CSMD1: variants seen among roughly 807,000 people sequenced by gnomAD.
CSMD1 encodes CUB and sushi domain-containing protein 1.
A neutral mutation model predicts 417.5 loss-of-function variants in CSMD1; 213 were observed. That is an observed-to-expected ratio of 0.51 (90% CI 0.46 to 0.57). CSMD1 has a LOEUF of 0.57. Among genes scored for constraint, CSMD1 ranks in the 20% least tolerant of loss-of-function variants. CSMD1 has a pLI of 0.00. For synonymous variants in CSMD1, 2,862 were observed against 1,736.8 expected (o/e 1.65, Z -16.11); for missense variants, 6,923 against 4,529.7 (o/e 1.53, Z -15.17).
At chr8:2,960,370 C>T (rs1022973853) in intron 62 of CSMD1, among the ~76,000 whole-genome samples, 5 of 152,234 alleles carry the variant, frequency 3.3e-5, no homozygotes, top group East Asian at 1.9e-4. Context: ...TTCGTGCTCA[C>T]GAGAGATGGG....
At chr8:4,321,395 T>C (rs906947740) in intron 3 of CSMD1, among the ~76,000 whole-genome samples, 3 of 152,076 alleles carry the variant, frequency 2.0e-5, no homozygotes, top group African/African-American at 4.8e-5. Context: ...CAGAAGAGTT[T>C]TTTTCATCCC....
intron 10 of CSMD1, among the ~76,000 whole-genome samples, chr8:3,494,342 C>T (rs771674591): frequency 3.3e-5 from 5 of 152,136 alleles, no homozygotes; most frequent in Non-Finnish European, 7.3e-5. Context: ...AATCTATTAA[C>T]TTCTTTCTGT....
chr8:3,233,052 C>T (rs1563167160), intron 26 of CSMD1, among the ~76,000 whole-genome samples: 1 of 151,866 alleles, frequency 6.6e-6, no homozygotes. Context: ...AATTTTCATA[C>T]ATACTTATCA....
intron 7 of CSMD1, among the ~76,000 whole-genome samples, chr8:3,666,851 A>C (rs1798718963): frequency 6.6e-6 from 1 of 152,158 alleles, no homozygotes; most frequent in Non-Finnish European, 1.5e-5. Context: ...TTCTTTACAA[A>C]TTACTCAGTC....
intron 7 of CSMD1, among the ~76,000 whole-genome samples, chr8:3,675,337 T>C (rs149832201): frequency 6.6e-6 from 1 of 152,304 alleles, no homozygotes; most frequent in Non-Finnish European, 1.5e-5. Context: ...TAACATGTCA[T>C]TGCTATCCAT....
intron 1 of CSMD1, among the ~76,000 whole-genome samples, chr8:4,749,639 A>G (rs573650554): frequency 6.6e-6 from 1 of 152,340 alleles, no homozygotes; most frequent in African/African-American, 2.4e-5. Context: ...CAAAAGTTTC[A>G]CTTTAATAAT....
At chr8:3,340,118 C>T (rs888254984) in intron 23 of CSMD1, among the ~76,000 whole-genome samples, 4 of 152,086 alleles carry the variant, frequency 2.6e-5, no homozygotes, top group Non-Finnish European at 5.9e-5. Context: ...TGAGGATCAC[C>T]GAAAATCGTT....
chr8:3,297,148 G>A (rs1233064699), intron 25 of CSMD1, among the ~76,000 whole-genome samples: 3 of 152,114 alleles, frequency 2.0e-5, no homozygotes, highest in Non-Finnish European at 2.9e-5. Flanking sequence ...CCAGAAAACT[G>A]CAAAACATCA....
intron 1 of CSMD1, among the ~76,000 whole-genome samples, chr8:4,677,875 A>T (rs533611433): frequency 4.1e-4 from 63 of 152,196 alleles, no homozygotes; most frequent in Admixed American, 1.4e-3. Context: ...TGAAGTATTA[A>T]CACATCTGAA....
At chr8:4,332,045 T>C (rs1799895762) in intron 3 of CSMD1, among the ~76,000 whole-genome samples, 1 of 152,174 alleles carries the variant, frequency 6.6e-6, no homozygotes, top group Non-Finnish European at 1.5e-5. Flanking sequence ...TTGTGGTTTT[T>C]ATTTTTTATC....
At chr8:4,311,513 AG>A (rs1798568537) in intron 3 of CSMD1, among the ~76,000 whole-genome samples, 2 of 152,152 alleles carry the variant, frequency 1.3e-5, no homozygotes, top group South Asian at 4.1e-4. Context: ...ACCTGAGATC[AG>A]GAGTTCGAGA....
chr8:3,574,094 C>G (rs987657731), intron 10 of CSMD1, among the ~76,000 whole-genome samples: 9 of 152,106 alleles, frequency 5.9e-5, no homozygotes, highest in African/African-American at 2.2e-4. Flanking sequence ...CAGTATTACC[C>G]TCTATTACTA....
rs117037270 is a variant in CSMD1 at position 4,513,277 on chromosome 8, C to T, written c.303-93212G>A. ...AGGGGGTATATAAATTTTTTTTAAC[C>T]TTCCCCTTAATTTGGCTGTGCACCT... On this transcript the variant is annotated intron_variant, in intron 2 of 69. Transcript: ENST00000635120. 9.4e-3 allele frequency among the ~76,000 whole-genome samples: 1,437 copies of T among 152,068 alleles called. 16 individuals are homozygous for T. The highest frequency in any genetic ancestry group is 0.012 in the Non-Finnish European group (801 of 67,952).
chr8:3,546,705 A>C (rs1377351557), intron 10 of CSMD1, among the ~76,000 whole-genome samples: 1 of 152,214 alleles, frequency 6.6e-6, no homozygotes, highest in Non-Finnish European at 1.5e-5. Flanking sequence ...ATCTTCAATC[A>C]ATGTAGGAAT....
intron 6 of CSMD1, among the ~76,000 whole-genome samples, chr8:3,713,340 G>A (rs955446368): frequency 2.1e-4 from 32 of 152,116 alleles, no homozygotes; most frequent in African/African-American, 6.8e-4. Flanking sequence ...GAATGGCAGT[G>A]GATTCTTATT....
chr8:4,868,603 C>T (rs1366301566), intron 1 of CSMD1, among the ~76,000 whole-genome samples: 5 of 152,010 alleles, frequency 3.3e-5, no homozygotes, highest in Non-Finnish European at 1.5e-5. Context: ...TAAATTGAGG[C>T]ATAATGAACA....
chr8:4,115,979 T>C (rs1802116222), intron 3 of CSMD1, among the ~76,000 whole-genome samples: 1 of 84,468 alleles, frequency 1.2e-5, no homozygotes, highest in African/African-American at 4.1e-5. Context: ...TTTATTTATT[T>C]ATTTATTTAT....
intron 1 of CSMD1, among the ~76,000 whole-genome samples, chr8:4,752,855 C>T (rs867062627): frequency 3.3e-5 from 5 of 152,148 alleles, no homozygotes; most frequent in Non-Finnish European, 7.3e-5. Context: ...AGTTGAGGAA[C>T]TAGGCAGATC....
At chr8:4,247,159 G>T (rs916096338) in intron 3 of CSMD1, among the ~76,000 whole-genome samples, 1 of 152,130 alleles carries the variant, frequency 6.6e-6, no homozygotes, top group Non-Finnish European at 1.5e-5. Context: ...TTTCTTTTCC[G>T]CATCTTTTTT....
Sources: allele counts gnomAD v4.1 joint callset (sites outside exome capture counted in the v4.1 genomes callset), GRCh38; gene constraint gnomAD v4.1.1; transcripts MANE v1.5; gene names NCBI Gene and HGNC (gene_info 2026-07-23, HGNC 2026-07-21).